C17orf67: variants seen among roughly 807,000 people sequenced by gnomAD.
The protein encoded by C17orf67 is uncharacterized protein C17orf67.
C17orf67 carries 12 observed loss-of-function variants against 11.2 expected under a neutral mutation model. The observed-to-expected ratio is 1.07, with a 90% CI of 0.68 to 1.73. The LOEUF (loss-of-function observed/expected upper bound fraction) is 1.73. Among genes scored for constraint, C17orf67 ranks in the 40% most tolerant of loss-of-function variants. C17orf67 has a pLI of 0.00. For missense variants in C17orf67, 115 were observed against 113.5 expected (o/e 1.01, Z -0.06); for synonymous variants, 59 against 46.9 (o/e 1.26, Z -1.05).
At chr17:56,810,394 A>C (rs1322588157) in intron 6 of C17orf67, among the ~76,000 whole-genome samples, 1 of 128,156 alleles carries the variant, frequency 7.8e-6, no homozygotes, top group Non-Finnish European at 1.7e-5. Flanking sequence ...AACCCCTCAC[A>C]TGCACAAACC....
At chr17:56,820,219 C>T (rs887846695) in intron 4 of C17orf67, among the ~76,000 whole-genome samples, 3 of 152,210 alleles carry the variant, frequency 2.0e-5, no homozygotes, top group African/African-American at 7.2e-5. Flanking sequence ...CATCACCAAA[C>T]TTCTAAATAA....
At chr17:56,806,808 G>T (rs1183320846) in intron 6 of C17orf67, among the ~76,000 whole-genome samples, 1 of 152,234 alleles carries the variant, frequency 6.6e-6, no homozygotes, top group Non-Finnish European at 1.5e-5. Context: ...TTGACAGCAA[G>T]ACAGGAAGTA....
intron 6 of C17orf67, among the ~76,000 whole-genome samples, chr17:56,810,135 C>T (rs1262531683): frequency 9.7e-6 from 1 of 103,194 alleles, no homozygotes; most frequent in African/African-American, 3.6e-5. Flanking sequence ...CTTGCACAGA[C>T]CCCTCACGCA....
intron 5 of C17orf67, 150 bp downstream of exon 5, chr17:56,815,606 A>C: frequency 1.9e-6 from 1 of 525,310 alleles, no homozygotes; most frequent in Non-Finnish European, 2.7e-6. Flanking sequence ...AAATTCTGGA[A>C]GCCTACTCTT....
chr17:56,833,385 C>T (rs1452338558), intron 1 of C17orf67, 43 bp from the exon 2 acceptor site: 1 of 152,902 alleles, frequency 6.5e-6, no homozygotes, highest in Non-Finnish European at 1.5e-5. Flanking sequence ...CTCCGGTAGT[C>T]CCCGGCTCCC....
chr17:56,815,610 TACTCTTATGGAAAAATAAGAA>T, intron 5 of C17orf67, 125 bp downstream of exon 5: 1 of 564,680 alleles, frequency 1.8e-6, no homozygotes, highest in East Asian at 5.2e-5. Context: ...TCTGGAAGCC[TACTCTTATGGAAAAATAAGAA>T]AAGAAAGAGC....
chr17:56,830,820 T>C (rs536456018), intron 2 of C17orf67, among the ~76,000 whole-genome samples: 2 of 152,220 alleles, frequency 1.3e-5, no homozygotes, highest in Non-Finnish European at 1.5e-5. Flanking sequence ...TGGATTTACA[T>C]AAATGTGGGG....
chr17:56,828,868 AAAC>A (rs1010330133), intron 2 of C17orf67, among the ~76,000 whole-genome samples: 17 of 152,204 alleles, frequency 1.1e-4, no homozygotes, highest in Non-Finnish European at 2.4e-4. Flanking sequence ...AAAAAAAAAA[AAAC>A]ACTGCAGAGA....
At chr17:56,800,991 G>A (rs1040145563) in intron 6 of C17orf67, among the ~76,000 whole-genome samples, 6 of 152,264 alleles carry the variant, frequency 3.9e-5, no homozygotes, top group African/African-American at 1.4e-4. Context: ...TGAGGCTTCA[G>A]TGAGCTATGA....
intron 6 of C17orf67, among the ~76,000 whole-genome samples, chr17:56,798,539 G>C (rs1302849979): frequency 1.3e-5 from 2 of 152,006 alleles, no homozygotes; most frequent in African/African-American, 4.8e-5. Context: ...TTACACAAAT[G>C]CATGGCAGTC....
chr17:56,812,995 G>C (rs2144132279), intron 6 of C17orf67, among the ~76,000 whole-genome samples: 1 of 152,310 alleles, frequency 6.6e-6, no homozygotes, highest in South Asian at 2.1e-4. Context: ...TCCACAGACA[G>C]AGTTCAAAAG....
At chr17:56,824,276 T>C (rs1256993095) in intron 4 of C17orf67, among the ~76,000 whole-genome samples, 2 of 152,242 alleles carry the variant, frequency 1.3e-5, no homozygotes, top group African/African-American at 4.8e-5. Flanking sequence ...ACACACTGGC[T>C]TGCCCTTCAG....
In C17orf67 at chr17:56,817,465, T is replaced by A. The variant is rs545304049; in HGVS notation, c.-200-1455A>T. On this transcript the variant is annotated intron_variant, in intron 4 of 7. Transcript: ENST00000397861. ...TCAAATATATATATATATAAGTAAA[T>A]TTTTTTTTTGAGACAGGGTCTCATT... Among the ~76,000 whole-genome samples, 46 of 150,718 alleles carry A rather than the reference T, an allele frequency of 3.1e-4. 1 individual carries two copies. Among genetic ancestry groups the A allele is most frequent in the South Asian group, 1.3e-3 (6 of 4,772 alleles).
intron 4 of C17orf67, among the ~76,000 whole-genome samples, chr17:56,818,560 G>A (rs1425856109): frequency 2.6e-5 from 4 of 151,988 alleles, no homozygotes. Flanking sequence ...TGCAACTTTT[G>A]TCTATATCAG....
chr17:56,820,471 A>C lies in C17orf67; in HGVS notation c.-201+4268T>G, dbSNP rs1030147702. On this transcript the variant is annotated intron_variant, in intron 4 of 7. Coordinates refer to ENST00000397861, the MANE Select transcript of C17orf67 (RefSeq NM_001085430.4). Reference sequence around the variant, plus strand: ...ACACACACTCACGCGGGGACAATTCAGACACACCAATGAACATAACGTGCA... The same window carrying C: ...ACACACACTCACGCGGGGACAATTCCGACACACCAATGAACATAACGTGCA... Among the ~76,000 whole-genome samples the C allele has an allele frequency of 2.0e-5, 3 of 152,140 alleles. No homozygotes were observed. The South Asian group carries it at 6.2e-4, about 32-fold the overall frequency.
Position 56,815,608 on chromosome 17 carries a change from C to T in C17orf67, c.55+148G>A, listed in dbSNP as rs887356245. 4 of 541,770 alleles carry T rather than the reference C, an allele frequency of 7.4e-6. No individual in the cohort carries two copies. The African/African-American group carries it at 8.1e-5, about 11-fold the overall frequency. The allele number at this position is 541,770 out of a possible 1,614,324, so 33.6% of individuals were successfully genotyped here. On this transcript the variant is annotated intron_variant, in intron 5 of 7. Coordinates refer to ENST00000397861, the MANE Select transcript of C17orf67 (RefSeq NM_001085430.4). The stretch of plus-strand genomic sequence containing the variant: ...TCTTTAATGATAAAAATTCTGGAAG[C>T]CTACTCTTATGGAAAAATAAGAAAA...
chr17:56,795,313 C>T (rs1487668342), intron 6 of C17orf67, 133 bp from the exon 7 acceptor site: 16 of 744,596 alleles, frequency 2.1e-5, no homozygotes, highest in South Asian at 1.7e-4. Flanking sequence ...TCAACGGCCA[C>T]ACCCATGCCT....
At chr17:56,821,866 T>C (rs778318313) in intron 4 of C17orf67, among the ~76,000 whole-genome samples, 7 of 152,206 alleles carry the variant, frequency 4.6e-5, no homozygotes, top group Non-Finnish European at 8.8e-5. Flanking sequence ...GTGGCAGACA[T>C]GACACTAACA....
At chr17:56,809,935 CAT>C (rs1250892138) in intron 6 of C17orf67, among the ~76,000 whole-genome samples, 4 of 145,290 alleles carry the variant, frequency 2.8e-5, no homozygotes, top group Non-Finnish European at 6.0e-5. Context: ...ACCCCTCACA[CAT>C]ACTCCTCACA....
Sources: gnomAD v4.1 joint callset for allele counts (sites outside exome capture counted in the v4.1 genomes callset) on GRCh38, gnomAD v4.1.1 for gene constraint, MANE v1.5 for transcripts, NCBI Gene and HGNC (gene_info 2026-07-23, HGNC 2026-07-21) for gene names.